The following WWTR1 variants were observed in gnomAD, a reference collection of about 807,000 sequenced individuals.
WWTR1 encodes the protein WW domain containing transcription regulator 1.
Under a neutral mutation model 40.1 loss-of-function variants are expected in WWTR1, and 13 were observed. That is an observed-to-expected ratio of 0.32 (90% CI 0.21 to 0.52). The LOEUF (loss-of-function observed/expected upper bound fraction) is 0.52. Among genes scored for constraint, WWTR1 ranks in the 20% least tolerant of loss-of-function variants. WWTR1 has a pLI of 0.97. For missense variants in WWTR1, 436 were observed against 523.1 expected, an observed-to-expected ratio of 0.83 and a Z score of 1.63; for synonymous variants, 230 against 210.1, an observed-to-expected ratio of 1.09 and a Z score of -0.82.
At chr3:149,537,278 G>A (rs1320104607) in intron 4 of WWTR1, among the ~76,000 whole-genome samples, 1 of 152,144 alleles carries the variant, frequency 6.6e-6, no homozygotes, top group Non-Finnish European at 1.5e-5. Context: ...TACATACAAA[G>A]TCACAGCACA....
chr3:149,543,325 G>A (rs1189333649), intron 3 of WWTR1, among the ~76,000 whole-genome samples: 4 of 152,096 alleles, frequency 2.6e-5, no homozygotes, highest in Non-Finnish European at 5.9e-5. Context: ...GCTCACGCCT[G>A]TAATCCCAGC....
intron 2 of WWTR1, among the ~76,000 whole-genome samples, chr3:149,634,918 CT>C (rs1386335335): frequency 6.6e-6 from 1 of 152,232 alleles, no homozygotes; most frequent in African/African-American, 2.4e-5. Context: ...ATCAAAGACT[CT>C]GAGGCCAAAC....
At chr3:149,662,127 A>T (rs573430383), upstream of WWTR1, among the ~76,000 whole-genome samples, 4 of 152,246 alleles carry the variant, frequency 2.6e-5, no homozygotes, top group South Asian at 8.3e-4. Flanking sequence ...AGGAAACTGG[A>T]TCGATGAGTT....
chr3:149,576,964 C>G (rs1279673755), intron 2 of WWTR1, among the ~76,000 whole-genome samples: 3 of 152,192 alleles, frequency 2.0e-5, no homozygotes, highest in Non-Finnish European at 4.4e-5. Context: ...TCGAGACCAG[C>G]CTGACCAACA....
intron 2 of WWTR1, among the ~76,000 whole-genome samples, chr3:149,636,674 GGAAA>G (rs1186123409): frequency 1.3e-5 from 2 of 152,062 alleles, no homozygotes; most frequent in Admixed American, 1.3e-4. Flanking sequence ...TTATTGCATA[GGAAA>G]GAGTCACCAG....
At chr3:149,534,870 G>A (rs1167117632) in intron 4 of WWTR1, among the ~76,000 whole-genome samples, 3 of 152,148 alleles carry the variant, frequency 2.0e-5, no homozygotes, top group African/African-American at 7.2e-5. Flanking sequence ...TAAAATAGCT[G>A]AAGAAGTAAG....
intron 1 of WWTR1, among the ~76,000 whole-genome samples, chr3:149,683,352 T>G (rs1295437180): frequency 1.3e-5 from 2 of 152,184 alleles, no homozygotes; most frequent in African/African-American, 4.8e-5. Flanking sequence ...CTTTCTAGAT[T>G]CCAGAGGTGT....
At chr3:149,610,805 G>A (rs552258208) in intron 2 of WWTR1, among the ~76,000 whole-genome samples, 2 of 152,118 alleles carry the variant, frequency 1.3e-5, no homozygotes, top group Admixed American at 1.3e-4. Flanking sequence ...TACAACATCC[G>A]GGGGACTCAA....
At chr3:149,671,115 A>C (rs1297416779) in intron 1 of WWTR1, among the ~76,000 whole-genome samples, 1 of 152,152 alleles carries the variant, frequency 6.6e-6, no homozygotes, top group Non-Finnish European at 1.5e-5. Flanking sequence ...ATATTGCAAA[A>C]ACTTAACAAA....
intron 2 of WWTR1, among the ~76,000 whole-genome samples, chr3:149,653,995 C>T (rs1359400082): frequency 2.0e-5 from 3 of 152,114 alleles, no homozygotes; most frequent in Non-Finnish European, 4.4e-5. Flanking sequence ...TCTGGCTGGG[C>T]ATGGTAGCTC....
intron 2 of WWTR1, among the ~76,000 whole-genome samples, chr3:149,668,606 T>TAAAAAAAAAAAAAAAA (rs1559835456): frequency 2.5e-5 from 1 of 40,536 alleles, no homozygotes; most frequent in African/African-American, 7.7e-5. Context: ...AGATTGTGTC[T>TAAAAAAAAAAAAAAAA]CAAAAAAAAC....
intron 1 of WWTR1, chr3:149,702,464 C>CTTATTATTATTACTA (rs1715209231): frequency 2.0e-5 from 3 of 147,272 alleles, no homozygotes; most frequent in Admixed American, 2.0e-4. Context: ...CTCTCTAAGC[C>CTTATTATTATTACTA]TTATTATTAT....
intron 2 of WWTR1, among the ~76,000 whole-genome samples, chr3:149,590,500 A>G (rs370458507): frequency 6.6e-6 from 1 of 152,100 alleles, no homozygotes; most frequent in East Asian, 1.9e-4. Flanking sequence ...AAATACAAAA[A>G]TTCACCAGGC....
At chr3:149,632,510 C>T (rs188240337) in intron 2 of WWTR1, among the ~76,000 whole-genome samples, 11 of 152,272 alleles carry the variant, frequency 7.2e-5, no homozygotes, top group African/African-American at 1.7e-4. Flanking sequence ...ATCCACACAA[C>T]GCAAACAAAG....
intron 2 of WWTR1, among the ~76,000 whole-genome samples, chr3:149,588,724 G>A (rs1738554985): frequency 6.6e-6 from 1 of 152,012 alleles, no homozygotes; most frequent in Admixed American, 6.6e-5. Flanking sequence ...AAATGAGAAA[G>A]CTATCCTCCC....
intron 1 of WWTR1, among the ~76,000 whole-genome samples, chr3:149,675,606 CCA>C (rs1482376226): frequency 1.3e-5 from 2 of 152,120 alleles, no homozygotes; most frequent in Non-Finnish European, 2.9e-5. Context: ...AATGAAACTA[CCA>C]GTGTTAAAAG....
chr3:149,608,228 A>G (rs138850512), intron 2 of WWTR1, among the ~76,000 whole-genome samples: 111 of 150,754 alleles, frequency 7.4e-4, no homozygotes, highest in African/African-American at 2.6e-3. Context: ...ACAAAATAGA[A>G]AAAAAATTTA....
At chr3:149,622,762 T>C (rs1202149839) in intron 2 of WWTR1, among the ~76,000 whole-genome samples, 3 of 152,076 alleles carry the variant, frequency 2.0e-5, no homozygotes, top group Non-Finnish European at 4.4e-5. Flanking sequence ...CAGTGGTGCA[T>C]GCCTGTAGTC....
intron 4 of WWTR1, among the ~76,000 whole-genome samples, chr3:149,723,034 A>T (rs1161989038): frequency 6.6e-6 from 1 of 150,418 alleles, no homozygotes; most frequent in Non-Finnish European, 1.5e-5. Flanking sequence ...ATTTCTTGTT[A>T]TTTTTTTTCC....
Sources: allele counts gnomAD v4.1 joint callset (sites outside exome capture counted in the v4.1 genomes callset), GRCh38; gene constraint gnomAD v4.1.1; transcripts MANE v1.5; gene names NCBI Gene and HGNC (gene_info 2026-07-23, HGNC 2026-07-21).